DCP1B: variants seen among roughly 807,000 people sequenced by gnomAD.
DCP1B encodes the protein decapping mRNA 1B.
DCP1B carries 47 observed loss-of-function variants against 60.5 expected under a neutral mutation model. The observed-to-expected ratio is 0.78, with a 90% confidence interval of 0.61 to 0.99. The LOEUF (loss-of-function observed/expected upper bound fraction) is 0.99. Ranked by LOEUF, DCP1B falls within the 50% of genes least tolerant of loss-of-function variation. DCP1B has a pLI of 0.00. For missense variants in DCP1B, 725 were observed against 756.8 expected, an observed-to-expected ratio of 0.96 and a Z score of 0.49; for synonymous variants, 267 against 280.3, an observed-to-expected ratio of 0.95 and a Z score of 0.47.
rs773364842 is a variant in DCP1B, at chr12:1,949,229, C to T, written c.1630G>A (p.Gly544Ser). ...TCCTGGCCTCCCACAGGCAAGAGGC[C>T]GCTCTCCCTTTCCTTTGGCGGGACG... is the stretch of plus-strand genomic sequence containing the variant. ...TSVPPKERES[G>S]LLPVGGQEPP... Residue 544 changes from glycine (G) to serine (S), a missense_variant, in exon 8 of 9, where the codon GGC becomes AGC. Transcript: ENST00000280665. 50 of 1,614,000 alleles carry T rather than the reference C, an allele frequency of 3.1e-5. No individual in the cohort carries two copies. The highest frequency in any genetic ancestry group is 1.6e-4 in the Middle Eastern group (1 of 6,084).
chr12:1,955,598 G>C (rs1252467905), intron 5 of DCP1B, 38 bp from the exon 6 acceptor site: 1 of 1,590,438 alleles, frequency 6.3e-7, no homozygotes, highest in Non-Finnish European at 8.6e-7. Context: ...TTTTGGCTTA[G>C]AAAAGCTTTA....
downstream of DCP1B, among the ~76,000 whole-genome samples, chr12:1,941,676 G>A (rs112836429): frequency 5.9e-5 from 9 of 152,160 alleles, no homozygotes; most frequent in African/African-American, 1.7e-4. Flanking sequence ...GGGTTTTTGC[G>A]TGGACGTCCT....
chr12:1,974,628 AAT>A (rs1292738564), intron 3 of DCP1B, among the ~76,000 whole-genome samples: 1 of 152,140 alleles, frequency 6.6e-6, no homozygotes, highest in Non-Finnish European at 1.5e-5. Flanking sequence ...ACAAAGGACA[AAT>A]AATAACTAAT....
At chr12:1,994,692 A>C (rs771933580) in intron 2 of DCP1B, among the ~76,000 whole-genome samples, 2 of 152,222 alleles carry the variant, frequency 1.3e-5, no homozygotes, top group Non-Finnish European at 2.9e-5. Context: ...TGATTTTTTA[A>C]ATGGGATTAA....
intron 1 of DCP1B, among the ~76,000 whole-genome samples, chr12:2,001,506 T>C (rs893260140): frequency 6.6e-6 from 1 of 152,220 alleles, no homozygotes; most frequent in African/African-American, 2.4e-5. Flanking sequence ...TTGGGGACTC[T>C]GCACACTGTC....
At chr12:1,982,528 C>T (rs909474632) in intron 3 of DCP1B, among the ~76,000 whole-genome samples, 4 of 107,246 alleles carry the variant, frequency 3.7e-5, no homozygotes, top group African/African-American at 1.2e-4. Context: ...GGTTCATTCA[C>T]GTTGTACTAT....
chr12:1,968,731 G>C (rs2470425), intron 3 of DCP1B, among the ~76,000 whole-genome samples: 92,107 of 152,034 alleles, frequency 0.61, 29,257 homozygotes, highest in African/African-American at 0.81. Flanking sequence ...AAGTTAGGGA[G>C]AGGCCACTGG....
rs374823670 is a variant in DCP1B at position 1,949,306 on chromosome 12, G to A, written c.1553C>T (p.Thr518Ile). 4 of 1,613,972 alleles carry A rather than the reference G, an allele frequency of 2.5e-6. No homozygotes were observed. The highest frequency in any genetic ancestry group is 1.3e-5 in the African/African-American group (1 of 74,922). The change falls in exon 8 of 9, where the codon ACA (threonine) becomes ATA (isoleucine). Residue 518 changes from threonine to isoleucine, a missense_variant. Transcript: ENST00000280665. Reference sequence around the variant, plus strand: ...GGACATAAGCAGAGACGGAGCTGCTGTAGCAGGGATGCGCTGAGGTGAGAT... The same window carrying A: ...GGACATAAGCAGAGACGGAGCTGCTATAGCAGGGATGCGCTGAGGTGAGAT... ...QVISPQRIPA[T>I]AAPSLLMSPM...
chr12:1,992,044 TG>T, intron 3 of DCP1B: 1 of 353,658 alleles, frequency 2.8e-6, no homozygotes. Context: ...CAATTCAAAC[TG>T]GCATTTCTGT....
rs769549804 is a variant in DCP1B, at chr12:1,949,116, C to A, written c.1743G>T (p.Gln581His). 6.2e-7 allele frequency: 1 copy of A among 1,614,072 alleles called. No homozygotes were observed. The highest frequency in any genetic ancestry group is 8.5e-7 in the Non-Finnish European group (1 of 1,179,968). ...VITSSPLTKL[Q>H]LQEALLYLIQ... The stretch of plus-strand genomic sequence containing the variant: ...TGAGGTACAGCAGTGCCTCCTGGAG[C>A]TGGAGCTTGGTGAGTGGGCTGCTGG... The change falls in exon 8 of 9, where the codon CAG becomes CAT. Residue 581 changes from glutamine (Q) to histidine (H), a missense_variant. Coordinates refer to ENST00000280665, the MANE Select transcript of DCP1B (RefSeq NM_152640.5).
At chr12:1,950,415 T>G in intron 7 of DCP1B, 1 of 702,344 alleles carries the variant, frequency 1.4e-6, no homozygotes, top group Non-Finnish European at 2.6e-6. Flanking sequence ...GAAATTTAAG[T>G]CAGACTATAT....
Position 1,990,509 on chromosome 12 carries a change from C to T in DCP1B, c.319+2755G>A, listed in dbSNP as rs572207416. On this transcript the variant is annotated intron_variant, in intron 3 of 8. Coordinates refer to ENST00000280665, the MANE Select transcript of DCP1B (RefSeq NM_152640.5). ...TTGGGATTTTCATTTCTTTATTTTG[C>T]TCTTCTACATTCATCCAATTCAAGA... 3.3e-5 allele frequency among the ~76,000 whole-genome samples: 5 copies of T among 152,142 alleles called. No homozygotes were observed. The South Asian group carries it at 1.0e-3, about 32-fold the overall frequency.
intron 3 of DCP1B, among the ~76,000 whole-genome samples, chr12:1,990,367 TTAAACCCTTTAAACAATGTA>T (rs960506336): frequency 3.3e-5 from 5 of 152,332 alleles, no homozygotes; most frequent in Non-Finnish European, 7.4e-5. Context: ...TTAACAATGT[TTAAACCCTTTAAACAATGTA>T]TAAACCCTTT....
At chr12:1,957,765 G>A (rs908566758) in intron 5 of DCP1B, among the ~76,000 whole-genome samples, 1 of 152,226 alleles carries the variant, frequency 6.6e-6, no homozygotes, top group Admixed American at 6.5e-5. Flanking sequence ...TTCACAGAAA[G>A]TTATTTCTCA....
chr12:1,944,939 C>T (rs988204957), downstream of DCP1B, among the ~76,000 whole-genome samples: 1 of 152,180 alleles, frequency 6.6e-6, no homozygotes, highest in Non-Finnish European at 1.5e-5. Flanking sequence ...CAAATGGGAT[C>T]TGATTAAACT....
downstream of DCP1B, among the ~76,000 whole-genome samples, chr12:1,941,870 A>C (rs181059889): frequency 2.8e-3 from 419 of 152,336 alleles, 2 homozygotes; most frequent in African/African-American, 9.8e-3. Context: ...ATTATGAAGA[A>C]ACTGCATCAA....
At chr12:1,960,878 T>A (rs1788673176) in intron 5 of DCP1B, among the ~76,000 whole-genome samples, 1 of 152,214 alleles carries the variant, frequency 6.6e-6, no homozygotes, top group South Asian at 2.1e-4. Flanking sequence ...AACATTCTGT[T>A]TTCCTTCTCT....
rs540881767 is a variant in DCP1B at position 1,975,543 on chromosome 12, G to A, written c.320-7633C>T. Among the ~76,000 whole-genome samples the A allele has an allele frequency of 3.9e-5, 6 of 152,202 alleles. No homozygotes were observed. In the South Asian group the frequency reaches 1.2e-3, roughly 32 times the overall value. Reference sequence around the variant, plus strand: ...TTCCTTATTAAGCATTTAAGAAAATGTTTTGGAACCCAGCTTTTCTCTGCC... The same window carrying A: ...TTCCTTATTAAGCATTTAAGAAAATATTTTGGAACCCAGCTTTTCTCTGCC... On this transcript the variant is annotated intron_variant, in intron 3 of 8. Coordinates refer to ENST00000280665, the MANE Select transcript of DCP1B (RefSeq NM_152640.5).
At chr12:2,001,864 A>T (rs528279413) in intron 1 of DCP1B, among the ~76,000 whole-genome samples, 1 of 152,344 alleles carries the variant, frequency 6.6e-6, no homozygotes, top group Admixed American at 6.5e-5. Flanking sequence ...TCAGTGTGAC[A>T]ACCAAAAACG....
Sources: gnomAD v4.1 joint callset for allele counts (sites outside exome capture counted in the v4.1 genomes callset) on GRCh38, gnomAD v4.1.1 for gene constraint, MANE v1.5 for transcripts, NCBI Gene and HGNC (gene_info 2026-07-23, HGNC 2026-07-21) for gene names.